The following CDKAL1 variants were observed in gnomAD, a reference collection of about 807,000 sequenced individuals.
CDKAL1 encodes threonylcarbamoyladenosine tRNA methylthiotransferase.
In CDKAL1, 32 loss-of-function variants were observed where a neutral mutation model predicts 68.2. The ratio of observed to expected loss-of-function variants is 0.47; its 90% CI spans 0.35 to 0.63. CDKAL1 has a LOEUF of 0.63. CDKAL1 is among the 30% of genes least tolerant of loss of function. CDKAL1 has a pLI of 0.00. For missense variants in CDKAL1, 606 were observed against 696.7 expected, an observed-to-expected ratio of 0.87 and a Z score of 1.47; for synonymous variants, 234 against 244.3, an observed-to-expected ratio of 0.96 and a Z score of 0.39.
chr6:21,024,586 C>T (rs1241743515), intron 11 of CDKAL1, among the ~76,000 whole-genome samples: 1 of 152,158 alleles, frequency 6.6e-6, no homozygotes, highest in Non-Finnish European at 1.5e-5. Flanking sequence ...AAATACATGT[C>T]CTCCAGCCTC....
At chr6:20,860,411 A>AT (rs1759552471) in intron 9 of CDKAL1, among the ~76,000 whole-genome samples, 1 of 152,180 alleles carries the variant, frequency 6.6e-6, no homozygotes, top group South Asian at 2.1e-4. Flanking sequence ...CTTTGTATTC[A>AT]TTTATCTGTT....
At chr6:21,001,340 T>C (rs1306558809) in intron 11 of CDKAL1, among the ~76,000 whole-genome samples, 3 of 152,232 alleles carry the variant, frequency 2.0e-5, no homozygotes, top group Non-Finnish European at 4.4e-5. Flanking sequence ...TTTTCCACCT[T>C]TAATTAGTCA....
At chr6:20,887,579 T>C (rs147303885) in intron 9 of CDKAL1, among the ~76,000 whole-genome samples, 12 of 150,708 alleles carry the variant, frequency 8.0e-5, no homozygotes, top group African/African-American at 2.9e-4. Context: ...CAAGATATGA[T>C]TTCATTCACA....
chr6:21,111,063 A>G (rs901571522), intron 13 of CDKAL1, among the ~76,000 whole-genome samples: 1 of 152,184 alleles, frequency 6.6e-6, no homozygotes, highest in Non-Finnish European at 1.5e-5. Flanking sequence ...TATCAAAACT[A>G]AATGATGTTT....
chr6:20,788,732 C>T lies in CDKAL1; in HGVS notation c.638+7467C>T, dbSNP rs184573613. Among the ~76,000 whole-genome samples the T allele has an allele frequency of 3.9e-5, 6 of 152,276 alleles. No individual in the cohort carries two copies. The East Asian group carries it at 9.6e-4, about 24-fold the overall frequency. ...ACTCTACCGTCATTCTCTGAGACCC[C>T]TTCTACCCTTGATTTCTTTTTATTC... On this transcript the variant is annotated intron_variant, in intron 8 of 15. Coordinates refer to ENST00000274695, the MANE Select transcript of CDKAL1 (RefSeq NM_017774.3).
intron 13 of CDKAL1, among the ~76,000 whole-genome samples, chr6:21,187,830 C>T (rs559460258): frequency 1.3e-5 from 2 of 152,118 alleles, no homozygotes; most frequent in African/African-American, 4.8e-5. Context: ...AAGAAAGTGA[C>T]CTATTAAATG....
intron 7 of CDKAL1, among the ~76,000 whole-genome samples, chr6:20,771,724 T>A (rs935363728): frequency 6.6e-6 from 1 of 152,124 alleles, no homozygotes; most frequent in Non-Finnish European, 1.5e-5. Context: ...CATAGGGAAT[T>A]CTCATGTGAG....
intron 9 of CDKAL1, among the ~76,000 whole-genome samples, chr6:20,895,418 A>C (rs1452044648): frequency 2.0e-5 from 3 of 152,188 alleles, no homozygotes; most frequent in Admixed American, 2.0e-4. Flanking sequence ...ACTTTGGTGG[A>C]TATTACCTAA....
intron 9 of CDKAL1, among the ~76,000 whole-genome samples, chr6:20,860,041 C>T (rs1014576223): frequency 2.0e-5 from 3 of 152,102 alleles, no homozygotes; most frequent in African/African-American, 7.2e-5. Flanking sequence ...TCTATCATAT[C>T]ACTCTGTTTA....
chr6:20,982,400 A>G (rs1766202536), intron 10 of CDKAL1, among the ~76,000 whole-genome samples: 1 of 152,126 alleles, frequency 6.6e-6, no homozygotes, highest in Non-Finnish European at 1.5e-5. Flanking sequence ...AGTGTACTGG[A>G]TTTCCTTAAT....
chr6:21,157,868 C>A (rs903399043), intron 13 of CDKAL1, among the ~76,000 whole-genome samples: 4 of 152,198 alleles, frequency 2.6e-5, no homozygotes, highest in Non-Finnish European at 5.9e-5. Flanking sequence ...TCTTCACAGT[C>A]AAAATCTGTG....
At chr6:20,593,029 G>A (rs992355128) in intron 4 of CDKAL1, among the ~76,000 whole-genome samples, 8 of 152,108 alleles carry the variant, frequency 5.3e-5, no homozygotes, top group African/African-American at 1.7e-4. Context: ...CGACTTGATC[G>A]TGGTGGATAA....
intron 10 of CDKAL1, among the ~76,000 whole-genome samples, chr6:20,981,664 A>AC (rs1766155236): frequency 6.6e-6 from 1 of 152,162 alleles, no homozygotes; most frequent in Admixed American, 6.5e-5. Flanking sequence ...ACATGGTGAA[A>AC]CCCCGTCTCT....
intron 4 of CDKAL1, among the ~76,000 whole-genome samples, chr6:20,643,822 C>CT (rs1168493914): frequency 1.3e-5 from 2 of 152,074 alleles, no homozygotes; most frequent in African/African-American, 4.8e-5. Context: ...ATTATTCCCT[C>CT]TTTTTTTCCC....
chr6:20,881,400 A>C (rs1760812127), intron 9 of CDKAL1, among the ~76,000 whole-genome samples: 2 of 152,218 alleles, frequency 1.3e-5, no homozygotes, highest in South Asian at 4.1e-4. Flanking sequence ...GTGATATATA[A>C]ATTGATAAAC....
At chr6:20,814,889 G>T (rs1235300124) in intron 8 of CDKAL1, among the ~76,000 whole-genome samples, 1 of 152,092 alleles carries the variant, frequency 6.6e-6, no homozygotes, top group Non-Finnish European at 1.5e-5. Context: ...GTTAATGATA[G>T]CTGAACTATT....
chr6:20,977,368 G>T (rs1765890491), intron 10 of CDKAL1, among the ~76,000 whole-genome samples: 1 of 152,084 alleles, frequency 6.6e-6, no homozygotes. Context: ...ATAATAAAAG[G>T]CACAAATTGT....
At chr6:20,972,610 T>C (rs1204869630) in intron 10 of CDKAL1, among the ~76,000 whole-genome samples, 1 of 152,252 alleles carries the variant, frequency 6.6e-6, no homozygotes, top group African/African-American at 2.4e-5. Context: ...CCCATCTCTG[T>C]TAATTCCCTC....
At chr6:20,558,456 G>A (rs968506315) in intron 4 of CDKAL1, 4 of 448,860 alleles carry the variant, frequency 8.9e-6, no homozygotes, top group African/African-American at 6.0e-5. Context: ...GCACATGGCA[G>A]TGCGGTCTGT....
Sources: allele counts gnomAD v4.1 joint callset (sites outside exome capture counted in the v4.1 genomes callset), GRCh38; gene constraint gnomAD v4.1.1; transcripts MANE v1.5; gene names NCBI Gene and HGNC (gene_info 2026-07-23, HGNC 2026-07-21).